The following GOLGA1 variants were observed in gnomAD, a reference collection of about 807,000 sequenced individuals.
GOLGA1 encodes the protein golgin A1.
GOLGA1 carries 63 observed loss-of-function variants against 119.7 expected under a neutral mutation model. That is an observed-to-expected ratio of 0.53 (90% CI 0.43 to 0.65). GOLGA1 has a LOEUF of 0.65. Among genes scored for constraint, GOLGA1 ranks in the 30% least tolerant of loss-of-function variants. The pLI, the probability that GOLGA1 is intolerant of heterozygous loss-of-function variation, is 0.00. For missense variants in GOLGA1, 798 were observed against 912.8 expected, an observed-to-expected ratio of 0.87 and a Z score of 1.62; for synonymous variants, 318 against 333.4, an observed-to-expected ratio of 0.95 and a Z score of 0.50.
intron 4 of GOLGA1, among the ~76,000 whole-genome samples, chr9:124,930,445 A>G (rs911338133): frequency 6.6e-6 from 1 of 152,212 alleles, no homozygotes; most frequent in Non-Finnish European, 1.5e-5. Flanking sequence ...TAAGCCTAAT[A>G]AGGCTCTAGT....
intron 15 of GOLGA1, among the ~76,000 whole-genome samples, chr9:124,895,862 T>TCCACAACAGAGACCCAC (rs370686692): frequency 1.8e-5 from 2 of 109,828 alleles, no homozygotes; most frequent in Admixed American, 1.8e-4. Flanking sequence ...CAGAGAACCC[T>TCCACAACAGAGACCCAC]CCACAACAGA....
chr9:124,886,036 T>C (rs1055604994), intron 19 of GOLGA1, among the ~76,000 whole-genome samples: 7 of 152,296 alleles, frequency 4.6e-5, no homozygotes, highest in African/African-American at 7.2e-5. Context: ...CCAAGGCAGA[T>C]AGGACAACTC....
chr9:124,898,472 G>A (rs568041355), intron 15 of GOLGA1, 77 bp downstream of exon 15: 15 of 823,798 alleles, frequency 1.8e-5, no homozygotes, highest in Non-Finnish European at 2.5e-5. Flanking sequence ...CTGTAAGTAT[G>A]AGAAGTGGGG....
At chr9:124,915,496 C>T (rs1251907880) in intron 10 of GOLGA1, among the ~76,000 whole-genome samples, 3 of 152,150 alleles carry the variant, frequency 2.0e-5, no homozygotes, top group Admixed American at 6.5e-5. Flanking sequence ...CCTTTCTAAG[C>T]GTTAACCACT....
intron 10 of GOLGA1, among the ~76,000 whole-genome samples, chr9:124,915,100 C>T (rs148135906): frequency 3.6e-4 from 55 of 152,272 alleles, no homozygotes; most frequent in African/African-American, 1.0e-3. Context: ...TACTCCCTCC[C>T]GAGTCTGGGT....
chr9:124,904,897 T>C (rs73593076), intron 12 of GOLGA1, among the ~76,000 whole-genome samples: 3,689 of 150,444 alleles, frequency 0.025, 158 homozygotes, highest in African/African-American at 0.085. Flanking sequence ...TGAGCCAAGA[T>C]TGCACCACTG....
chr9:124,925,998 A>G (rs1830664694), intron 7 of GOLGA1, among the ~76,000 whole-genome samples: 2 of 152,140 alleles, frequency 1.3e-5, no homozygotes, highest in South Asian at 4.1e-4. Context: ...TTCAATGCTG[A>G]GCCTTGAGAA....
At position 124,908,398 on chromosome 9, in the gene GOLGA1, G is replaced by T; in HGVS notation, c.1044C>A (p.Ala348=). The change falls in exon 12 of 23, where the codon GCC becomes GCA. Residue 348 remains alanine, a synonymous_variant. Transcript: ENST00000373555. ...GTACCCGAGTCTCCAGGGTGTTAAT[G>T]GCCTTAGCCTGGCTGCTTCTGGCTG... ...LLAARSSQAK[A]INTLETRVRE... is the part of the protein sequence containing the mutation. 6.2e-7 allele frequency: 1 copy of T among 1,603,976 alleles called. No homozygotes were observed. The highest frequency in any genetic ancestry group is 1.1e-5 in the South Asian group (1 of 90,858).
At chr9:124,900,807 A>T (rs1830088383) in intron 12 of GOLGA1, among the ~76,000 whole-genome samples, 1 of 151,908 alleles carries the variant, frequency 6.6e-6, no homozygotes, top group South Asian at 2.1e-4. Context: ...TCTTTTCCCT[A>T]CTCTTAAATG....
At chr9:124,915,661 G>C (rs1456331522) in intron 10 of GOLGA1, among the ~76,000 whole-genome samples, 1 of 151,908 alleles carries the variant, frequency 6.6e-6, no homozygotes, top group South Asian at 2.1e-4. Context: ...ACCAGCCCAG[G>C]TAACACAGGG....
intron 15 of GOLGA1, among the ~76,000 whole-genome samples, chr9:124,897,065 G>C (rs1208039427): frequency 1.3e-5 from 2 of 152,132 alleles, no homozygotes; most frequent in Non-Finnish European, 2.9e-5. Context: ...GAACAGACTA[G>C]GTTTTTTCCT....
intron 13 of GOLGA1, 143 bp downstream of exon 13, chr9:124,900,309 C>A (rs1274007407): frequency 3.6e-6 from 2 of 551,928 alleles, no homozygotes; most frequent in East Asian, 6.4e-5. Flanking sequence ...TGCTGCTGGC[C>A]TGCTCACATC....
At position 124,888,151 on chromosome 9, in the gene GOLGA1, C is replaced by A; in HGVS notation, c.1905+102G>T. 1 of 1,072,716 alleles carries A rather than the reference C, an allele frequency of 9.3e-7. No individual in the cohort carries two copies. 66.4% of individuals were successfully genotyped at this position (1,072,716 alleles called of 1,614,324 possible). A position where few individuals can be genotyped will look rare whatever the true frequency, so the allele number is the denominator to read the frequency against. ...GAGGGGTCATGGTTGCCAGGAGGTG[C>A]GGGGGAAACCACAAAAACCTCCAAG... On this transcript the variant is annotated intron_variant, in intron 19 of 22. Coordinates refer to ENST00000373555, the MANE Select transcript of GOLGA1 (RefSeq NM_002077.4). The surrounding 1 kb of genome is among the most constrained non-coding windows in gnomAD (Gnocchi z 4.4).
intron 1 of GOLGA1, 46 bp downstream of exon 1, chr9:124,940,925 G>C (rs1476372904): frequency 6.6e-6 from 1 of 152,304 alleles, no homozygotes; most frequent in African/African-American, 2.4e-5. Flanking sequence ...AGGCCACTGG[G>C]AGAATAAGGG....
chr9:124,937,630 CA>C (rs11343969), intron 3 of GOLGA1, among the ~76,000 whole-genome samples: 83,013 of 130,438 alleles, frequency 0.64, 24,638 homozygotes, highest in African/African-American at 0.71. Flanking sequence ...GACTCTGTCT[CA>C]AAAAAAAAAA....
intron 10 of GOLGA1, among the ~76,000 whole-genome samples, chr9:124,914,357 C>A (rs1276759928): frequency 6.6e-6 from 1 of 152,066 alleles, no homozygotes; most frequent in African/African-American, 2.4e-5. Context: ...CAAAATTAGC[C>A]GGACGTGGTG....
In GOLGA1 at chr9:124,881,303, G is replaced by C; in HGVS notation, c.2137-46C>G. On this transcript the variant is annotated intron_variant, in intron 21 of 22. Transcript: ENST00000373555. The surrounding 1 kb of genome is among the most constrained non-coding windows in gnomAD (Gnocchi z 4.9). Reference sequence around the variant, plus strand: ...CTGCCATAGGCCTTGGTGAAGGTGAGGCGGGGTGGGGTCGGGGGAGCTACG... The same window carrying C: ...CTGCCATAGGCCTTGGTGAAGGTGACGCGGGGTGGGGTCGGGGGAGCTACG... 9.1e-7 allele frequency: 1 copy of C among 1,095,032 alleles called. No homozygotes were observed. Among genetic ancestry groups the C allele is most frequent in the Non-Finnish European group, 1.4e-6 (1 of 705,186 alleles). The allele number at this position is 1,095,032 out of a possible 1,614,324, so 67.8% of individuals were successfully genotyped here.
Position 124,921,130 on chromosome 9 carries a change from T to A in GOLGA1, c.842A>T (p.Lys281Met), listed in dbSNP as rs986434979. ...GTCTTCTCCTCATATTCTACTTACC[T>A]TTTGCAAATCAATGGAAAGCTGCTG... ...LIQQLSIDLQ[K>M]VTAETQEKED... Residue 281 changes from lysine to methionine, a missense_variant and splice_region_variant, in exon 10 of 23, where the codon AAG (lysine) becomes ATG (methionine). Lys to Met is a moderately conservative substitution (Grantham distance 95). Transcript: ENST00000373555. 3 of 1,563,902 alleles carry A rather than the reference T, an allele frequency of 1.9e-6. No homozygotes were observed. The African/African-American group carries it at 4.1e-5, about 21-fold the overall frequency.
rs1829810751 is a variant in GOLGA1 at position 124,889,623 on chromosome 9, T to C, written c.1498-87A>G. 4 of 898,458 alleles carry C rather than the reference T, an allele frequency of 4.5e-6. No individual in the cohort carries two copies. In the South Asian group the frequency reaches 5.2e-5, roughly 12 times the overall value. The allele number at this position is 898,458 out of a possible 1,614,324, so 55.7% of individuals were successfully genotyped here. A position where few individuals can be genotyped will look rare whatever the true frequency, so the allele number is the denominator to read the frequency against. ...ATCTCCACTTCCCCGCTCTCCAGGGTACACCACGAATCCCTCCCTGAAGTC... is the reference window on the plus strand; with the variant it reads ...ATCTCCACTTCCCCGCTCTCCAGGGCACACCACGAATCCCTCCCTGAAGTC... On this transcript the variant is annotated intron_variant, in intron 16 of 22. Coordinates refer to ENST00000373555, the MANE Select transcript of GOLGA1 (RefSeq NM_002077.4).
Sources: allele counts gnomAD v4.1 joint callset (sites outside exome capture counted in the v4.1 genomes callset), GRCh38; gene constraint gnomAD v4.1.1; non-coding constraint Gnocchi (gnomAD v3.1); transcripts MANE v1.5; gene names NCBI Gene and HGNC (gene_info 2026-07-23, HGNC 2026-07-21).